APP: variants seen among roughly 807,000 people sequenced by gnomAD.
APP encodes amyloid beta precursor protein, also known as amyloid-beta precursor protein.
A neutral mutation model predicts 101.4 loss-of-function variants in APP; 31 were observed. The ratio of observed to expected loss-of-function variants is 0.31; its 90% CI spans 0.23 to 0.41. The LOEUF is 0.41. Among genes scored for constraint, APP ranks in the 10% least tolerant of loss-of-function variants. APP has a pLI of 1.00. For missense variants in APP, 839 were observed against 1,003.7 expected, an observed-to-expected ratio of 0.84 and a Z score of 2.22; for synonymous variants, 366 against 364.4, an observed-to-expected ratio of 1.00 and a Z score of -0.05.
chr21:26,011,188 G>C (rs2043791077), intron 6 of APP, among the ~76,000 whole-genome samples: 1 of 151,922 alleles, frequency 6.6e-6, no homozygotes, highest in African/African-American at 2.4e-5. Flanking sequence ...TGATTTCTTT[G>C]CCTCAGCCTC....
intron 5 of APP, among the ~76,000 whole-genome samples, chr21:26,026,837 A>G (rs1264340848): frequency 2.0e-5 from 3 of 152,172 alleles, no homozygotes. Context: ...GCTAATGTAA[A>G]CTATGGACTT....
At chr21:26,152,167 C>A (rs1040004660) in intron 1 of APP, among the ~76,000 whole-genome samples, 1 of 151,276 alleles carries the variant, frequency 6.6e-6, no homozygotes, top group East Asian at 1.9e-4. Flanking sequence ...CGCCCGTAGT[C>A]CCAGCTACTC....
chr21:25,965,107 G>A (rs974403435), intron 11 of APP, among the ~76,000 whole-genome samples: 17 of 152,336 alleles, frequency 1.1e-4, no homozygotes, highest in Non-Finnish European at 1.9e-4. Flanking sequence ...AAGATCTTCT[G>A]ACCTGGGAAT....
intron 5 of APP, among the ~76,000 whole-genome samples, chr21:26,031,897 CAG>C (rs747902680): frequency 3.9e-5 from 6 of 152,194 alleles, no homozygotes; most frequent in Non-Finnish European, 8.8e-5. Context: ...TAGGAGAAAA[CAG>C]ATACATCTGC....
intron 13 of APP, chr21:25,941,351 A>C (rs2040569666): frequency 6.6e-6 from 1 of 152,288 alleles, no homozygotes; most frequent in Non-Finnish European, 1.5e-5. Context: ...ATAACAACAA[A>C]AAAAGCAAAG....
At chr21:26,097,605 T>C (rs1316738744) in intron 2 of APP, among the ~76,000 whole-genome samples, 1 of 152,156 alleles carries the variant, frequency 6.6e-6, no homozygotes, top group East Asian at 1.9e-4. Flanking sequence ...CTATAAGCAG[T>C]AGATTACTGT....
At chr21:25,912,215 G>T (rs971693036) in intron 13 of APP, among the ~76,000 whole-genome samples, 2 of 152,230 alleles carry the variant, frequency 1.3e-5, no homozygotes, top group Non-Finnish European at 2.9e-5. Context: ...CAGGAGCATG[G>T]CAGCCGGCCA....
intron 3 of APP, among the ~76,000 whole-genome samples, chr21:26,067,581 TTTAGTCAATGGGAGGCATA>T: frequency 6.6e-6 from 1 of 152,298 alleles, no homozygotes; most frequent in South Asian, 2.1e-4. Flanking sequence ...ACGCATACAT[TTTAGTCAATGGGAGGCATA>T]TCACTAGGAT....
At chr21:26,161,713 C>T (rs2063494412) in intron 1 of APP, among the ~76,000 whole-genome samples, 1 of 152,078 alleles carries the variant, frequency 6.6e-6, no homozygotes, top group African/African-American at 2.4e-5. Context: ...TCAGTTATAT[C>T]CTCAAACTAA....
intron 3 of APP, among the ~76,000 whole-genome samples, chr21:26,081,950 G>A (rs925006919): frequency 2.6e-5 from 4 of 152,142 alleles, no homozygotes; most frequent in African/African-American, 9.7e-5. Context: ...GGGCATGATG[G>A]CTCATGTCTG....
At chr21:26,043,231 T>C (rs184787737) in intron 5 of APP, among the ~76,000 whole-genome samples, 141 of 146,722 alleles carry the variant, frequency 9.6e-4, no homozygotes, top group African/African-American at 3.6e-3. Flanking sequence ...AGTTTTTCTT[T>C]TCTTTTCTTT....
At chr21:26,017,198 C>CG (rs1445341144) in intron 6 of APP, among the ~76,000 whole-genome samples, 2 of 56,364 alleles carry the variant, frequency 3.5e-5, no homozygotes, top group East Asian at 7.1e-4. Flanking sequence ...GACTGTATCT[C>CG]AAAAAAAAAA....
chr21:26,138,796 TACTC>T (rs1365271148), intron 1 of APP, among the ~76,000 whole-genome samples: 1 of 152,198 alleles, frequency 6.6e-6, no homozygotes, highest in Non-Finnish European at 1.5e-5. Context: ...CAGTACCTGT[TACTC>T]AATATTTATC....
chr21:26,115,244 C>T (rs2062409763), intron 1 of APP, among the ~76,000 whole-genome samples: 1 of 152,274 alleles, frequency 6.6e-6, no homozygotes, highest in South Asian at 2.1e-4. Context: ...GTGTATAGAT[C>T]TTCTTACATT....
In APP at chr21:26,090,056, T is replaced by C; in HGVS notation, c.242A>G (p.Gln81Arg). 5 of 1,614,136 alleles carry C rather than the reference T, an allele frequency of 3.1e-6. No individual in the cohort carries two copies. The highest frequency in any genetic ancestry group is 4.2e-6 in the Non-Finnish European group (5 of 1,180,006). ...GTTGGCTTCTACCACATTGGTGATC[T>C]GCAGTTCAGGGTAGACCTGGGAGAG... ...QYCQEVYPELQITNVVEANQP... is the reference protein window; with the variant it reads ...QYCQEVYPELRITNVVEANQP... The change falls in exon 3 of 18, where the codon CAG (glutamine) becomes CGG (arginine). Residue 81 changes from glutamine to arginine, a missense_variant. Gln to Arg is a conservative substitution (Grantham distance 43). Transcript: ENST00000346798.
intron 5 of APP, among the ~76,000 whole-genome samples, chr21:26,036,291 G>C (rs1356602759): frequency 2.8e-5 from 4 of 142,194 alleles, no homozygotes; most frequent in Non-Finnish European, 4.6e-5. Context: ...GGTAGAACTG[G>C]GGGGTGGGCA....
At chr21:25,901,088 A>G (rs988527430) in intron 15 of APP, among the ~76,000 whole-genome samples, 2 of 152,000 alleles carry the variant, frequency 1.3e-5, no homozygotes, top group Non-Finnish European at 2.9e-5. Context: ...GTTTGAACTC[A>G]GGAGTTCGAG....
intron 15 of APP, among the ~76,000 whole-genome samples, chr21:25,902,484 ATC>A (rs2038556391): frequency 6.8e-6 from 1 of 146,260 alleles, no homozygotes; most frequent in Non-Finnish European, 1.5e-5. Flanking sequence ...CTTAACTAGA[ATC>A]TTCCTCACTT....
chr21:25,943,987 C>G (rs1233337014), intron 13 of APP, among the ~76,000 whole-genome samples: 2 of 152,156 alleles, frequency 1.3e-5, no homozygotes, highest in East Asian at 1.9e-4. Context: ...AGACATAGGT[C>G]CACACCTCAG....
Sources: allele counts gnomAD v4.1 joint callset (sites outside exome capture counted in the v4.1 genomes callset), GRCh38; gene constraint gnomAD v4.1.1; transcripts MANE v1.5; gene names NCBI Gene and HGNC (gene_info 2026-07-23, HGNC 2026-07-21).